The following REV3L variants were observed in gnomAD, a reference collection of about 807,000 sequenced individuals.
REV3L encodes REV3 like, DNA directed polymerase zeta catalytic subunit.
A neutral mutation model predicts 299.4 loss-of-function variants in REV3L; 69 were observed. That is an observed-to-expected ratio of 0.23 (90% confidence interval 0.19 to 0.28). The LOEUF is 0.28. REV3L is among the 10% of genes least tolerant of loss of function. The pLI, the probability that REV3L is intolerant of heterozygous loss-of-function variation, is 1.00. For missense variants in REV3L, 3,128 were observed against 3,693.8 expected, an observed-to-expected ratio of 0.85 and a Z score of 3.97; for synonymous variants, 1,238 against 1,271.4, an observed-to-expected ratio of 0.97 and a Z score of 0.56.
intron 1 of REV3L, among the ~76,000 whole-genome samples, chr6:111,450,922 T>C (rs1789461730): frequency 6.6e-6 from 1 of 152,194 alleles, no homozygotes; most frequent in Admixed American, 6.5e-5. Flanking sequence ...ACCTATAAAC[T>C]ATCCTAGTCA....
intron 24 of REV3L, chr6:111,330,955 T>C: frequency 1.0e-6 from 1 of 983,358 alleles, no homozygotes; most frequent in Non-Finnish European, 1.2e-6. Flanking sequence ...TAGAGAATGA[T>C]GCCACTTTTG....
chr6:111,319,221 G>C (rs1773866182), intron 26 of REV3L, among the ~76,000 whole-genome samples: 2 of 152,132 alleles, frequency 1.3e-5, no homozygotes, highest in Admixed American at 1.3e-4. Context: ...CCAGCACTTT[G>C]GGAGGCCAAG....
intron 1 of REV3L, chr6:111,430,617 A>G (rs1343144682): frequency 5.9e-6 from 9 of 1,526,508 alleles, no homozygotes; most frequent in Admixed American, 1.7e-5. Context: ...CACCTCGCAG[A>G]GTGGGGAGGA....
chr6:111,333,123 T>A lies in REV3L; in HGVS notation c.7925A>T (p.Lys2642Met). The A allele has an allele frequency of 6.2e-7, 1 of 1,612,576 alleles. No homozygotes were observed. Among genetic ancestry groups the A allele is most frequent in the South Asian group, 1.1e-5 (1 of 91,044 alleles). Residue 2642 changes from lysine to methionine, a missense_variant and splice_region_variant, in exon 23 of 32, where the codon AAG becomes ATG. Around this residue, in one of 9 missense-constraint regions of REV3L, gnomAD observed 149 missense variants for 286.4 expected, o/e 0.52. Transcript: ENST00000368802. ...TCLGHVENLG[K>M]YDEFKFGCTS... ...ATTGTAAATGTGAAAAAAACCTTAC[T>A]TTCCCAAGTTCTCCACATGGCCAAG...
chr6:111,384,468 T>C (rs917136740), intron 9 of REV3L, among the ~76,000 whole-genome samples: 1 of 152,130 alleles, frequency 6.6e-6, no homozygotes, highest in South Asian at 2.1e-4. Context: ...AAAGAAGATA[T>C]ACAAATGGCA....
chr6:111,455,253 T>C (rs932912439), intron 1 of REV3L, among the ~76,000 whole-genome samples: 2 of 152,014 alleles, frequency 1.3e-5, no homozygotes, highest in Non-Finnish European at 2.9e-5. Context: ...GAAAAGGCCA[T>C]TCCATCCAGA....
At chr6:111,414,683 T>G (rs975500886) in intron 2 of REV3L, among the ~76,000 whole-genome samples, 10 of 152,158 alleles carry the variant, frequency 6.6e-5, no homozygotes, top group African/African-American at 2.4e-4. Flanking sequence ...TGTTCCTGTA[T>G]GAGCTCCAGA....
At chr6:111,313,590 T>C in intron 27 of REV3L, 101 bp from the exon 28 acceptor site, 1 of 1,221,984 alleles carries the variant, frequency 8.2e-7, no homozygotes, top group Non-Finnish European at 1.1e-6. Flanking sequence ...GTATCAATTA[T>C]TTAAAAAATT....
At chr6:111,315,412 G>A (rs376133449) in intron 26 of REV3L, 31 bp from the exon 27 acceptor site, 7 of 1,570,930 alleles carry the variant, frequency 4.5e-6, no homozygotes, top group African/African-American at 1.4e-5. Flanking sequence ...GTAAGGTAAT[G>A]AGGAAGTCAT....
chr6:111,449,862 GA>G (rs140900943), intron 1 of REV3L, among the ~76,000 whole-genome samples: 1 of 151,906 alleles, frequency 6.6e-6, no homozygotes, highest in African/African-American at 2.4e-5. Context: ...CCATTATGAG[GA>G]AAAAAATGTA....
intron 2 of REV3L, among the ~76,000 whole-genome samples, chr6:111,415,072 C>T (rs1784614401): frequency 6.6e-6 from 1 of 152,136 alleles, no homozygotes; most frequent in Admixed American, 6.6e-5. Flanking sequence ...ATCTTGGCTG[C>T]TCAAAATCAT....
At chr6:111,304,613 CTTTT>C (rs57907202) in intron 31 of REV3L, among the ~76,000 whole-genome samples, 2 of 116,596 alleles carry the variant, frequency 1.7e-5, no homozygotes, top group South Asian at 5.8e-4. Flanking sequence ...ATCGCTTTTT[CTTTT>C]TTTTTTTTTT....
intron 17 of REV3L, 106 bp downstream of exon 17, chr6:111,358,716 A>G: frequency 1.2e-6 from 1 of 820,134 alleles, no homozygotes. Context: ...ACATTTTAGA[A>G]AAGAGTCATC....
In REV3L at chr6:111,375,721, A is replaced by G; in HGVS notation, c.2634T>C (p.Thr878=). The change falls in exon 13 of 32, where the codon ACT becomes ACC. Residue 878 remains threonine, a synonymous_variant. Coordinates refer to ENST00000368802, the MANE Select transcript of REV3L (RefSeq NM_001372078.1). ...EKDNALASDL[T]KTTRGAFENK... is the part of the protein sequence containing the mutation. ...TTTCAAAAGCTCCACGAGTGGTTTT[A>G]GTTAAATCACTAGCCAATGCATTAT... 2 of 1,614,018 alleles carry G rather than the reference A, an allele frequency of 1.2e-6. No homozygotes were observed. The highest frequency in any genetic ancestry group is 1.7e-6 in the Non-Finnish European group (2 of 1,179,918).
chr6:111,450,780 T>C (rs1789442295), intron 1 of REV3L, among the ~76,000 whole-genome samples: 1 of 152,210 alleles, frequency 6.6e-6, no homozygotes, highest in African/African-American at 2.4e-5. Context: ...TGTAAATCAC[T>C]CTAACGTCTG....
chr6:111,397,733 C>A (rs1360707049), intron 4 of REV3L, among the ~76,000 whole-genome samples: 1 of 151,986 alleles, frequency 6.6e-6, no homozygotes, highest in Admixed American at 6.6e-5. Flanking sequence ...ATTTCCCAGG[C>A]ATAAGCAATC....
intron 26 of REV3L, among the ~76,000 whole-genome samples, chr6:111,317,875 A>G (rs1315567181): frequency 1.3e-5 from 2 of 152,146 alleles, no homozygotes; most frequent in Non-Finnish European, 2.9e-5. Flanking sequence ...TTCACTCAGC[A>G]TATTTTGAGA....
At chr6:111,345,577 C>T (rs1203936713) in intron 20 of REV3L, among the ~76,000 whole-genome samples, 1 of 152,118 alleles carries the variant, frequency 6.6e-6, no homozygotes, top group Non-Finnish European at 1.5e-5. Flanking sequence ...AATCATACCC[C>T]AGGATCTATC....
chr6:111,373,955 A>G lies in REV3L; in HGVS notation c.4400T>C (p.Ile1467Thr), dbSNP rs752242139. The G allele has an allele frequency of 1.7e-5, 28 of 1,613,954 alleles. No individual in the cohort carries two copies. The highest frequency in any genetic ancestry group is 2.3e-5 in the Non-Finnish European group (27 of 1,179,980). The change falls in exon 13 of 32, where the codon ATC becomes ACC. Residue 1467 changes from isoleucine to threonine, a missense_variant. Physicochemically the swap from Ile to Thr is moderately conservative, Grantham distance 89 (BLOSUM62 -1). Coordinates refer to ENST00000368802, the MANE Select transcript of REV3L (RefSeq NM_001372078.1). ...CTTTTGCTCCCATGCTATTTGTTTGATTGGACTTCTCAAGGAAGTTACAAA... is the reference window on the plus strand; with the variant it reads ...CTTTTGCTCCCATGCTATTTGTTTGGTTGGACTTCTCAAGGAAGTTACAAA... ...NCFVTSLRSP[I>T]KQIAWEQKQR... is the part of the protein sequence containing the mutation.
Sources: allele counts gnomAD v4.1 joint callset (sites outside exome capture counted in the v4.1 genomes callset), GRCh38; gene constraint gnomAD v4.1.1; regional missense constraint gnomAD v4.1.1; transcripts MANE v1.5; gene names NCBI Gene and HGNC (gene_info 2026-07-23, HGNC 2026-07-21).